Variants in MARCHF1 observed in about 807,000 individuals in gnomAD.
The protein encoded by MARCHF1 is E3 ubiquitin-protein ligase MARCHF1.
MARCHF1 carries 40 observed loss-of-function variants against 54.2 expected under a neutral mutation model. The observed-to-expected ratio is 0.74, with a 90% CI of 0.57 to 0.96. The LOEUF is 0.96. Ranked by LOEUF, MARCHF1 falls within the 40% of genes least tolerant of loss-of-function variation. The pLI, the probability that MARCHF1 is intolerant of heterozygous loss-of-function variation, is 0.00. For synonymous variants in MARCHF1, 236 were observed against 236.3 expected (o/e 1.00, Z 0.01); for missense variants, 586 against 656.5 (o/e 0.89, Z 1.17).
intron 1 of MARCHF1, among the ~76,000 whole-genome samples, chr4:164,133,936 T>C (rs1756351666): frequency 6.6e-6 from 1 of 152,238 alleles, no homozygotes; most frequent in South Asian, 2.1e-4. Flanking sequence ...ATAAAGATTA[T>C]ACTCTTCGCA....
chr4:163,986,351 G>A (rs1216816281), intron 3 of MARCHF1, among the ~76,000 whole-genome samples: 9 of 137,282 alleles, frequency 6.6e-5, no homozygotes, highest in South Asian at 4.8e-4. Flanking sequence ...TGCAAGCTCC[G>A]CCTCCCGGGT....
chr4:163,788,709 T>C (rs190410435), intron 4 of MARCHF1, among the ~76,000 whole-genome samples: 33 of 152,158 alleles, frequency 2.2e-4, no homozygotes, highest in African/African-American at 7.5e-4. Flanking sequence ...ATAAGCGTAT[T>C]ACTGGTGCTG....
In MARCHF1 at chr4:163,842,349, T is replaced by A. The variant is rs116575858; in HGVS notation, c.111+11672A>T. Among the ~76,000 whole-genome samples, 1,273 of 152,104 alleles carry A rather than the reference T, an allele frequency of 8.4e-3. 14 individuals carry two copies. Among genetic ancestry groups the A allele is most frequent in the African/African-American group, 0.027 (1,127 of 41,534 alleles). The stretch of plus-strand genomic sequence containing the variant: ...AGAGGCCTATTTTGAGAATCATGTA[T>A]CTCTAAGATATATATGTATATATAA... On this transcript the variant is annotated intron_variant, in intron 4 of 9. Transcript: ENST00000514618.
chr4:164,054,498 C>T (rs989261708), intron 2 of MARCHF1, among the ~76,000 whole-genome samples: 1 of 152,048 alleles, frequency 6.6e-6, no homozygotes, highest in African/African-American at 2.4e-5. Flanking sequence ...TGGCATTATT[C>T]ACGATAGCAA....
intron 3 of MARCHF1, among the ~76,000 whole-genome samples, chr4:163,884,515 C>T (rs1025628399): frequency 3.9e-5 from 6 of 152,130 alleles, no homozygotes; most frequent in African/African-American, 1.2e-4. Flanking sequence ...AGAACTCTGT[C>T]ACTGGCTTCT....
chr4:164,325,333 T>TTATATATATATATA (rs58385154), intron 1 of MARCHF1, among the ~76,000 whole-genome samples: 3,427 of 138,148 alleles, frequency 0.025, 108 homozygotes, highest in East Asian at 0.11. Context: ...TAGACAGAAA[T>TTATATATATATATA]TATATATATA....
intron 4 of MARCHF1, among the ~76,000 whole-genome samples, chr4:163,729,478 T>C (rs1745765758): frequency 6.6e-6 from 1 of 152,096 alleles, no homozygotes; most frequent in Admixed American, 6.6e-5. Flanking sequence ...CCTACTCAGA[T>C]TTTTTGCTTA....
At chr4:164,026,807 G>A (rs1753778153) in intron 2 of MARCHF1, among the ~76,000 whole-genome samples, 3 of 152,138 alleles carry the variant, frequency 2.0e-5, no homozygotes, top group African/African-American at 4.8e-5. Context: ...CTCTCTCTTC[G>A]TAGATGATAT....
At chr4:164,085,567 T>C (rs1242166407) in intron 2 of MARCHF1, among the ~76,000 whole-genome samples, 3 of 151,904 alleles carry the variant, frequency 2.0e-5, no homozygotes, top group African/African-American at 7.2e-5. Context: ...TTCTCAACAA[T>C]AGCACATTCC....
At chr4:164,184,233 C>T (rs536599294) in intron 1 of MARCHF1, among the ~76,000 whole-genome samples, 5 of 152,248 alleles carry the variant, frequency 3.3e-5, no homozygotes, top group Middle Eastern at 3.4e-3. Flanking sequence ...TTCAGTTTTC[C>T]ATTTACAGTT....
intron 4 of MARCHF1, among the ~76,000 whole-genome samples, chr4:163,828,642 T>C (rs1358048022): frequency 2.0e-5 from 3 of 152,100 alleles, no homozygotes; most frequent in Non-Finnish European, 2.9e-5. Flanking sequence ...CACACACACA[T>C]ACACGCAAAG....
chr4:164,201,331 T>C (rs1015306513), intron 1 of MARCHF1, among the ~76,000 whole-genome samples: 12 of 152,178 alleles, frequency 7.9e-5, no homozygotes, highest in African/African-American at 2.4e-4. Flanking sequence ...GCGATTCTCC[T>C]GCCTCAGCCT....
chr4:163,934,497 C>T (rs556043038), intron 3 of MARCHF1, among the ~76,000 whole-genome samples: 37 of 146,692 alleles, frequency 2.5e-4, no homozygotes, highest in Admixed American at 1.2e-3. Flanking sequence ...ATTTGAATGC[C>T]GCAGTGAGCC....
rs548153969 is a variant in MARCHF1, at chr4:163,632,307, G to T, written c.163-18914C>A. On this transcript the variant is annotated intron_variant, in intron 5 of 9. Transcript: ENST00000514618. ...CCAGCCTGAGCGACGCAGAAGACGG[G>T]TGATTTCTGCATTTCCATCTGAGGT... 1.3e-3 allele frequency among the ~76,000 whole-genome samples: 204 copies of T among 152,310 alleles called. No individual in the cohort carries two copies. The Middle Eastern group carries it at 0.014, about 10-fold the overall frequency.
chr4:164,084,779 T>C (rs1350100007), intron 2 of MARCHF1, among the ~76,000 whole-genome samples: 8 of 151,854 alleles, frequency 5.3e-5, no homozygotes, highest in Non-Finnish European at 8.9e-5. Context: ...CATGGCTCTT[T>C]ATTGTAAGAT....
At chr4:163,830,351 T>G (rs1235721635) in intron 4 of MARCHF1, among the ~76,000 whole-genome samples, 2 of 151,818 alleles carry the variant, frequency 1.3e-5, no homozygotes, top group Non-Finnish European at 2.9e-5. Context: ...TATGCACGTA[T>G]CAGCACAATC....
chr4:163,902,509 T>C (rs1750965631), intron 3 of MARCHF1, among the ~76,000 whole-genome samples: 1 of 152,282 alleles, frequency 6.6e-6, no homozygotes, highest in Admixed American at 6.5e-5. Context: ...AGACACAATT[T>C]ACATCAGAAT....
intron 1 of MARCHF1, among the ~76,000 whole-genome samples, chr4:164,201,551 G>A (rs1731455720): frequency 1.3e-5 from 2 of 152,082 alleles, no homozygotes; most frequent in Admixed American, 1.3e-4. Flanking sequence ...ATTTTAAGTA[G>A]GACAAGAGTT....
At chr4:164,218,445 G>A (rs1731993520) in intron 1 of MARCHF1, among the ~76,000 whole-genome samples, 1 of 151,968 alleles carries the variant, frequency 6.6e-6, no homozygotes, top group African/African-American at 2.4e-5. Context: ...GTAACCACAG[G>A]AAATGAAGCA....
Sources: allele counts gnomAD v4.1 joint callset (sites outside exome capture counted in the v4.1 genomes callset), GRCh38; gene constraint gnomAD v4.1.1; transcripts MANE v1.5; gene names NCBI Gene and HGNC (gene_info 2026-07-23, HGNC 2026-07-21).